ATP8A1: variants seen among roughly 807,000 people sequenced by gnomAD.
The protein encoded by ATP8A1 is phospholipid-transporting ATPase IA.
In ATP8A1, 90 loss-of-function variants were observed where a neutral mutation model predicts 177.7. The observed-to-expected ratio is 0.51, with a 90% confidence interval of 0.43 to 0.60. The LOEUF (loss-of-function observed/expected upper bound fraction) is 0.60, where lower values mean the gene tolerates loss of function less well. ATP8A1 is among the 20% of genes least tolerant of loss of function. The pLI is 0.00. For missense variants in ATP8A1, 1,072 were observed against 1,392.8 expected (o/e 0.77, Z 3.67); for synonymous variants, 493 against 485.9 (o/e 1.01, Z -0.19).
At chr4:42,602,562 G>A (rs926602322) in intron 5 of ATP8A1, among the ~76,000 whole-genome samples, 1 of 152,090 alleles carries the variant, frequency 6.6e-6, no homozygotes, top group Non-Finnish European at 1.5e-5. Context: ...TCAGGCGTTC[G>A]AGACCAGCCT....
intron 33 of ATP8A1, among the ~76,000 whole-genome samples, chr4:42,437,113 G>C (rs774564270): frequency 2.6e-5 from 4 of 152,202 alleles, no homozygotes; most frequent in Non-Finnish European, 4.4e-5. Flanking sequence ...AGGGAGAGCA[G>C]AAACAGATGG....
chr4:42,420,970 G>A (rs1011568728), intron 35 of ATP8A1, among the ~76,000 whole-genome samples: 40 of 152,026 alleles, frequency 2.6e-4, no homozygotes, highest in African/African-American at 8.0e-4. Context: ...GGTTTTCACT[G>A]TGTTAGCCAG....
At chr4:42,470,130 T>A (rs1220860091) in intron 25 of ATP8A1, among the ~76,000 whole-genome samples, 2 of 152,240 alleles carry the variant, frequency 1.3e-5, no homozygotes, top group Non-Finnish European at 2.9e-5. Context: ...GGAAAAAGAC[T>A]ACGTATCCAA....
intron 15 of ATP8A1, among the ~76,000 whole-genome samples, chr4:42,568,917 C>T (rs2061526): frequency 0.57 from 85,934 of 151,926 alleles, 25,061 homozygotes; most frequent in East Asian, 0.92. Context: ...GACTTTATTA[C>T]AGATAAACAA....
At chr4:42,573,325 T>C (rs750747897) in intron 14 of ATP8A1, among the ~76,000 whole-genome samples, 1 of 152,226 alleles carries the variant, frequency 6.6e-6, no homozygotes, top group African/African-American at 2.4e-5. Context: ...AGAATTGCAA[T>C]AGGCTTTACT....
intron 5 of ATP8A1, among the ~76,000 whole-genome samples, chr4:42,614,112 T>C (rs1179393569): frequency 2.0e-5 from 3 of 152,212 alleles, no homozygotes; most frequent in African/African-American, 7.2e-5. Flanking sequence ...TGAAGGGGAC[T>C]CATGAACCAA....
intron 24 of ATP8A1, among the ~76,000 whole-genome samples, chr4:42,491,673 T>A (rs1722756855): frequency 2.0e-5 from 3 of 152,174 alleles, no homozygotes; most frequent in Admixed American, 2.0e-4. Context: ...TTGGCAAAAC[T>A]CTGCTTGGAA....
intron 5 of ATP8A1, among the ~76,000 whole-genome samples, chr4:42,605,902 G>T (rs1342702012): frequency 6.6e-6 from 1 of 152,180 alleles, no homozygotes; most frequent in Admixed American, 6.5e-5. Context: ...ATCAATACAT[G>T]TTTCCAGCAA....
intron 33 of ATP8A1, among the ~76,000 whole-genome samples, chr4:42,425,732 C>T (rs1264762096): frequency 1.3e-5 from 2 of 152,150 alleles, no homozygotes; most frequent in East Asian, 1.9e-4. Context: ...TGGATTGCTC[C>T]GAACAGGAGC....
chr4:42,648,046 C>T (rs1267538698), intron 1 of ATP8A1, among the ~76,000 whole-genome samples: 2 of 152,020 alleles, frequency 1.3e-5, no homozygotes, highest in African/African-American at 2.4e-5. Context: ...CAGACTGATA[C>T]CAATATCAAA....
intron 7 of ATP8A1, among the ~76,000 whole-genome samples, chr4:42,589,821 T>C (rs1227810764): frequency 2.0e-5 from 3 of 150,284 alleles, no homozygotes; most frequent in Non-Finnish European, 4.4e-5. Context: ...TGATTCCATA[T>C]TCTGACAATT....
At chr4:42,546,194 C>T (rs1177567373) in intron 19 of ATP8A1, among the ~76,000 whole-genome samples, 1 of 152,012 alleles carries the variant, frequency 6.6e-6, no homozygotes, top group Non-Finnish European at 1.5e-5. Flanking sequence ...GCCTCTTCTC[C>T]TTCTGTAAGG....
At position 42,601,591 on chromosome 4, in the gene ATP8A1, G is replaced by T. The variant is rs572052158; in HGVS notation, c.410-1073C>A. On this transcript the variant is annotated intron_variant, in intron 5 of 36. Coordinates refer to ENST00000381668, the MANE Select transcript of ATP8A1 (RefSeq NM_006095.2). ...AAAACAGGATAAGAGAGTATGTGAG[G>T]TAGCCGGCACAGCACTTAGTACTTA... 1.2e-4 allele frequency among the ~76,000 whole-genome samples: 19 copies of T among 152,068 alleles called. No homozygotes were observed. The South Asian group carries it at 3.1e-3, about 25-fold the overall frequency.
At chr4:42,441,122 T>C (rs1716595929) in intron 33 of ATP8A1, among the ~76,000 whole-genome samples, 2 of 152,158 alleles carry the variant, frequency 1.3e-5, no homozygotes, top group South Asian at 4.1e-4. Flanking sequence ...TACGTGGATA[T>C]CATAAACATG....
At chr4:42,599,702 G>A (rs560246099) in intron 6 of ATP8A1, among the ~76,000 whole-genome samples, 20 of 152,252 alleles carry the variant, frequency 1.3e-4, no homozygotes, top group African/African-American at 3.4e-4. Flanking sequence ...GTTACACTTC[G>A]ATTGTCCTAG....
intron 25 of ATP8A1, among the ~76,000 whole-genome samples, chr4:42,469,233 A>G (rs1314368835): frequency 6.6e-6 from 1 of 152,230 alleles, no homozygotes; most frequent in African/African-American, 2.4e-5. Context: ...GAATGAAGTT[A>G]TGAGATATTT....
chr4:42,580,512 C>A (rs778357650), intron 10 of ATP8A1, among the ~76,000 whole-genome samples: 7 of 152,164 alleles, frequency 4.6e-5, no homozygotes, highest in Non-Finnish European at 1.0e-4. Context: ...ATAACAGAGG[C>A]AAGTTGCCTC....
chr4:42,444,415 C>T (rs572060559), intron 32 of ATP8A1, among the ~76,000 whole-genome samples, 163 bp downstream of exon 32: 1 of 152,250 alleles, frequency 6.6e-6, no homozygotes, highest in South Asian at 2.1e-4. Flanking sequence ...ACTAAAACCT[C>T]CAGTTCTCCT....
At chr4:42,592,192 G>C (rs1734250069) in intron 6 of ATP8A1, among the ~76,000 whole-genome samples, 1 of 152,130 alleles carries the variant, frequency 6.6e-6, no homozygotes, top group African/African-American at 2.4e-5. Context: ...CAATGAATCA[G>C]ATAATCTTTT....
Sources: gnomAD v4.1 joint callset for allele counts (sites outside exome capture counted in the v4.1 genomes callset) on GRCh38, gnomAD v4.1.1 for gene constraint, MANE v1.5 for transcripts, NCBI Gene and HGNC (gene_info 2026-07-23, HGNC 2026-07-21) for gene names.